ALDH2: variants seen among roughly 807,000 people sequenced by gnomAD.
ALDH2 encodes aldehyde dehydrogenase, mitochondrial.
A neutral mutation model predicts 59.6 loss-of-function variants in ALDH2; 44 were observed. That is an observed-to-expected ratio of 0.74 (90% confidence interval 0.58 to 0.95). The LOEUF (loss-of-function observed/expected upper bound fraction) is 0.95. Among genes scored for constraint, ALDH2 ranks in the 40% least tolerant of loss-of-function variants. The pLI is 0.00. For missense variants in ALDH2, 570 were observed against 696.3 expected, an observed-to-expected ratio of 0.82 and a Z score of 2.04; for synonymous variants, 291 against 284.0, an observed-to-expected ratio of 1.02 and a Z score of -0.25.
intron 3 of ALDH2, 24 bp downstream of exon 3, chr12:111,783,322 C>G (rs371068716): frequency 4.8e-5 from 76 of 1,583,896 alleles, no homozygotes; most frequent in Non-Finnish European, 5.3e-5. Flanking sequence ...CCTTCTCCCC[C>G]TCAGATCCCA....
chr12:111,799,141 G>C (rs1275455258), intron 10 of ALDH2, among the ~76,000 whole-genome samples: 1 of 151,504 alleles, frequency 6.6e-6, no homozygotes, highest in East Asian at 2.0e-4. Flanking sequence ...GGGATTACAG[G>C]CATGAGCCAC....
intron 9 of ALDH2, among the ~76,000 whole-genome samples, chr12:111,794,277 C>T (rs1593081543): frequency 1.3e-5 from 2 of 152,160 alleles, no homozygotes; most frequent in Non-Finnish European, 2.9e-5. Flanking sequence ...CTCAGCCTTC[C>T]AAAGTGCTGG....
At position 111,790,442 on chromosome 12, in the gene ALDH2, C is replaced by T; in HGVS notation, c.561C>T (p.Phe187=). The stretch of plus-strand genomic sequence containing the variant: ...GCTGTTGTTTGTTGCAGTGGAATTT[C>T]CCGCTCCTGATGCAAGCATGGAAGC... The part of the protein sequence containing the change: ...GVCGQIIPWN[F]PLLMQAWKLG... The change falls in exon 6 of 13, where the codon TTC becomes TTT. Residue 187 remains phenylalanine, a synonymous_variant. Transcript: ENST00000261733. 6 of 1,614,130 alleles carry T rather than the reference C, an allele frequency of 3.7e-6. No individual in the cohort carries two copies. The highest frequency in any genetic ancestry group is 5.1e-6 in the Non-Finnish European group (6 of 1,180,016).
intron 3 of ALDH2, among the ~76,000 whole-genome samples, chr12:111,783,808 C>G (rs556536983): frequency 6.6e-6 from 1 of 152,164 alleles, no homozygotes; most frequent in Non-Finnish European, 1.5e-5. Flanking sequence ...CCGCACCTGG[C>G]CTTTGATGCG....
In ALDH2 at chr12:111,766,961, C is replaced by G. The variant is rs1027645935; in HGVS notation, c.-22C>G. 1.5e-5 allele frequency: 23 copies of G among 1,515,536 alleles called. No homozygotes were observed. Among genetic ancestry groups the G allele is most frequent in the South Asian group, 1.2e-5 (1 of 82,472 alleles). 93.9% of individuals were successfully genotyped at this position (1,515,536 alleles called of 1,614,324 possible). On this transcript the variant is annotated 5_prime_UTR_variant, in exon 1 of 13. Coordinates refer to ENST00000261733, the MANE Select transcript of ALDH2 (RefSeq NM_000690.4). ...ACCCTAGCTCTGCTCTCGGTCCGCT[C>G]GCTGTCCGCTAGCCCGCTGCGATGT...
intron 9 of ALDH2, among the ~76,000 whole-genome samples, chr12:111,794,389 C>T (rs537146650): frequency 6.6e-6 from 1 of 152,232 alleles, no homozygotes; most frequent in Non-Finnish European, 1.5e-5. Flanking sequence ...AGGTAGCCTT[C>T]TCAGACTGGC....
In ALDH2 at chr12:111,816,623, T is replaced by C. The variant is rs939924288; in HGVS notation, c.*7048T>C. ...TTCCCCCTTTCTGTTTATGAATTAA[T>C]TGAAAGAATGTAAGGCCAGGCTGGG... On this transcript the variant is annotated 3_prime_UTR_variant, in exon 13 of 13. Coordinates refer to ENST00000261733, the MANE Select transcript of ALDH2 (RefSeq NM_000690.4). 1 of 152,222 alleles carries C rather than the reference T, an allele frequency of 6.6e-6. No homozygotes were observed. The highest frequency in any genetic ancestry group is 6.5e-5 in the Admixed American group (1 of 15,286). 9.4% of individuals were successfully genotyped at this position (152,222 alleles called of 1,614,324 possible).
chr12:111,773,067 A>G (rs1029481110), intron 1 of ALDH2, among the ~76,000 whole-genome samples: 1 of 150,508 alleles, frequency 6.6e-6, no homozygotes, highest in African/African-American at 2.4e-5. Flanking sequence ...CCTGACCAAT[A>G]TGATGAAACC....
Position 111,779,772 on chromosome 12 carries a change from G to A in ALDH2, c.115-2146G>A, listed in dbSNP as rs116212158. On this transcript the variant is annotated intron_variant, in intron 1 of 12. Transcript: ENST00000261733. ...GGTGAGGTGACCATGGACCCTGCCA[G>A]GACACTGGTTTACCAAGCCCGAAGG... is the stretch of plus-strand genomic sequence containing the variant. 9.0e-3 allele frequency among the ~76,000 whole-genome samples: 1,369 copies of A among 152,326 alleles called. 16 individuals are homozygous for A. The highest frequency in any genetic ancestry group is 0.031 in the African/African-American group (1,306 of 41,578).
intron 4 of ALDH2, among the ~76,000 whole-genome samples, chr12:111,787,208 CA>C (rs373961843): frequency 4.8e-4 from 69 of 143,690 alleles, no homozygotes; most frequent in African/African-American, 1.5e-3. Context: ...TCCATCTCAA[CA>C]AAAAAAAAAG....
rs561270201 is a variant in ALDH2, at chr12:111,791,597, A to G, written c.795+178A>G. On this transcript the variant is annotated intron_variant, in intron 7 of 12. Transcript: ENST00000261733. ...TTGAGCCCTTCGTGGTCTGGTTGCCACACTAGCTGCCCTTGGGAGGGGCCA... is the reference window on the plus strand; with the variant it reads ...TTGAGCCCTTCGTGGTCTGGTTGCCGCACTAGCTGCCCTTGGGAGGGGCCA... Among the ~76,000 whole-genome samples, 28 of 152,324 alleles carry G rather than the reference A, an allele frequency of 1.8e-4. No homozygotes were observed. The South Asian group carries it at 4.3e-3, about 24-fold the overall frequency.
intron 11 of ALDH2, among the ~76,000 whole-genome samples, chr12:111,803,637 G>A (rs1029500329): frequency 6.6e-6 from 1 of 151,976 alleles, no homozygotes; most frequent in Non-Finnish European, 1.5e-5. Context: ...TCAGGAAGCT[G>A]AGGCAGGAGA....
At chr12:111,770,837 A>T (rs776787315) in intron 1 of ALDH2, among the ~76,000 whole-genome samples, 1 of 151,872 alleles carries the variant, frequency 6.6e-6, no homozygotes, top group Non-Finnish European at 1.5e-5. Flanking sequence ...AGTAGAGATG[A>T]GGTTTCGCCA....
At chr12:111,782,999 C>T (rs1425366540) in intron 2 of ALDH2, among the ~76,000 whole-genome samples, 159 bp from the exon 3 acceptor site, 2 of 152,184 alleles carry the variant, frequency 1.3e-5, no homozygotes, top group East Asian at 1.9e-4. Context: ...AAGTCTGGTG[C>T]TCATCAGGGC....
At chr12:111,777,270 T>C (rs2068240499) in intron 1 of ALDH2, among the ~76,000 whole-genome samples, 1 of 152,056 alleles carries the variant, frequency 6.6e-6, no homozygotes. Flanking sequence ...TGCTATGAGG[T>C]TTAAATGGGA....
chr12:111,800,201 G>A lies in ALDH2; in HGVS notation c.1406+138G>A, dbSNP rs1405575776. 14 of 1,084,744 alleles carry A rather than the reference G, an allele frequency of 1.3e-5. 1 individual carries two copies. Among genetic ancestry groups the A allele is most frequent in the Middle Eastern group, 6.3e-4 (2 of 3,188 alleles). The allele number at this position is 1,084,744 out of a possible 1,614,324, so 67.2% of individuals were successfully genotyped here. A position where few individuals can be genotyped will look rare whatever the true frequency, so the allele number is the denominator to read the frequency against. On this transcript the variant is annotated intron_variant, in intron 11 of 12. Coordinates refer to ENST00000261733, the MANE Select transcript of ALDH2 (RefSeq NM_000690.4). ...CTGGGTCAGGGTGTGATGTCGATTTGAGAGGTCCTGCTACCTCACCTCCGA... is the reference window on the plus strand; with the variant it reads ...CTGGGTCAGGGTGTGATGTCGATTTAAGAGGTCCTGCTACCTCACCTCCGA...
chr12:111,790,558 A>G lies in ALDH2; in HGVS notation c.677A>G (p.Lys226Arg). 8 of 1,614,140 alleles carry G rather than the reference A, an allele frequency of 5.0e-6. No individual in the cohort carries two copies. Among genetic ancestry groups the G allele is most frequent in the Non-Finnish European group, 6.8e-6 (8 of 1,180,034 alleles). The change falls in exon 6 of 13, where the codon AAG becomes AGG. Residue 226 changes from lysine to arginine, a missense_variant. Transcript: ENST00000261733. ...GCCCTCTATGTGGCCAACCTGATCA[A>G]GGAGGTGCGTGGCTTATCCTGGTCT... is the stretch of plus-strand genomic sequence containing the variant. ...LTALYVANLI[K>R]EAGFPPGVVN...
Position 111,792,582 on chromosome 12 carries a change from T to G in ALDH2, c.899-16T>G. ...TCCTCACTGTCACCTTTCTGTCTCCTGCCCACTTCCCGCAGTGGATTGGGC... is the reference window on the plus strand; with the variant it reads ...TCCTCACTGTCACCTTTCTGTCTCCGGCCCACTTCCCGCAGTGGATTGGGC... On this transcript the variant is annotated splice_polypyrimidine_tract_variant and intron_variant, in intron 8 of 12. Coordinates refer to ENST00000261733, the MANE Select transcript of ALDH2 (RefSeq NM_000690.4). 1 of 1,606,822 alleles carries G rather than the reference T, an allele frequency of 6.2e-7. No homozygotes were observed. Among genetic ancestry groups the G allele is most frequent in the Non-Finnish European group, 8.5e-7 (1 of 1,177,990 alleles).
rs990815388 is a variant in ALDH2, at chr12:111,793,583, G to A, written c.1083+801G>A. ...TCACTTAGGTCTGTAGTGTATATTCGGGTTTTTTTTTTTAATTTTTATTTT... is the reference window on the plus strand; with the variant it reads ...TCACTTAGGTCTGTAGTGTATATTCAGGTTTTTTTTTTTAATTTTTATTTT... On this transcript the variant is annotated intron_variant, in intron 9 of 12. Transcript: ENST00000261733. Among the ~76,000 whole-genome samples the A allele has an allele frequency of 3.0e-4, 43 of 144,370 alleles. 1 individual carries two copies. The highest frequency in any genetic ancestry group is 5.0e-4 in the Non-Finnish European group (33 of 65,852). 94.7% of individuals were successfully genotyped at this position (144,370 alleles called of 152,430 possible). A position where few individuals can be genotyped will look rare whatever the true frequency, so the allele number is the denominator to read the frequency against.
Sources: gnomAD v4.1 joint callset for allele counts (sites outside exome capture counted in the v4.1 genomes callset) on GRCh38, gnomAD v4.1.1 for gene constraint, MANE v1.5 for transcripts, NCBI Gene and HGNC (gene_info 2026-07-23, HGNC 2026-07-21) for gene names.